UBR1: variants seen among roughly 807,000 people sequenced by gnomAD.
UBR1 encodes the protein ubiquitin protein ligase E3 component n-recognin 1.
A neutral mutation model predicts 242.1 loss-of-function variants in UBR1; 102 were observed. The ratio of observed to expected loss-of-function variants is 0.42; its 90% confidence interval spans 0.36 to 0.50. UBR1 has a LOEUF of 0.50. Among genes scored for constraint, UBR1 ranks in the 20% least tolerant of loss-of-function variants. The pLI is 0.01. For missense variants in UBR1, 1,772 were observed against 2,101.8 expected (o/e 0.84, Z 3.07); for synonymous variants, 675 against 684.8 (o/e 0.99, Z 0.22).
chr15:43,000,436 T>C (rs2032706171), intron 32 of UBR1, among the ~76,000 whole-genome samples: 1 of 152,252 alleles, frequency 6.6e-6, no homozygotes, highest in African/African-American at 2.4e-5. Context: ...CATAGTTTAA[T>C]AATCCTATTT....
intron 5 of UBR1, 48 bp from the exon 6 acceptor site, chr15:43,068,084 A>G: frequency 1.5e-6 from 2 of 1,316,434 alleles, no homozygotes; most frequent in South Asian, 1.3e-5. Context: ...CAAATAAAGG[A>G]AAAGTAAAAA....
At chr15:43,081,205 T>C (rs1395852497) in intron 3 of UBR1, among the ~76,000 whole-genome samples, 2 of 151,426 alleles carry the variant, frequency 1.3e-5, no homozygotes, top group South Asian at 2.1e-4. Context: ...GATCACAAGG[T>C]CAGGAGTTCA....
At chr15:42,949,907 C>A (rs907881398) in intron 46 of UBR1, among the ~76,000 whole-genome samples, 1 of 149,372 alleles carries the variant, frequency 6.7e-6, no homozygotes, top group East Asian at 2.0e-4. Context: ...GTGCAGTGGG[C>A]GATCTTGGCT....
At chr15:43,078,044 C>T (rs1248045517) in intron 3 of UBR1, among the ~76,000 whole-genome samples, 1 of 152,154 alleles carries the variant, frequency 6.6e-6, no homozygotes, top group Non-Finnish European at 1.5e-5. Flanking sequence ...CCTGTGGGTG[C>T]AGATAGCAAG....
chr15:43,060,941 G>GAAAAAAAAA (rs11302662), intron 6 of UBR1, among the ~76,000 whole-genome samples: 1 of 125,224 alleles, frequency 8.0e-6, no homozygotes, highest in South Asian at 2.4e-4. Context: ...TGCCATTACA[G>GAAAAAAAAA]AAAAAAAAAA....
intron 29 of UBR1, among the ~76,000 whole-genome samples, chr15:43,011,492 G>T (rs1446556929): frequency 6.6e-6 from 1 of 152,176 alleles, no homozygotes; most frequent in Non-Finnish European, 1.5e-5. Context: ...AATTCCCAGA[G>T]GATAAAATGT....
chr15:43,103,446 C>T (rs1325527482), intron 1 of UBR1, among the ~76,000 whole-genome samples: 1 of 152,238 alleles, frequency 6.6e-6, no homozygotes, highest in Non-Finnish European at 1.5e-5. Flanking sequence ...AAGTGTTACT[C>T]AAAGTGTGGC....
chr15:43,019,023 T>G (rs1287904664), intron 27 of UBR1, among the ~76,000 whole-genome samples: 1 of 152,206 alleles, frequency 6.6e-6, no homozygotes, highest in Non-Finnish European at 1.5e-5. Context: ...AAATACTACA[T>G]ATTCATAAAA....
At chr15:43,088,798 ATTGTTTGACT>A (rs1163699047) in intron 1 of UBR1, among the ~76,000 whole-genome samples, 1 of 151,978 alleles carries the variant, frequency 6.6e-6, no homozygotes, top group African/African-American at 2.4e-5. Flanking sequence ...ACAATGTTAC[ATTGTTTGACT>A]TTGTTAGACA....
At chr15:42,971,647 C>G (rs2141263367) in intron 39 of UBR1, among the ~76,000 whole-genome samples, 1 of 152,206 alleles carries the variant, frequency 6.6e-6, no homozygotes, top group Non-Finnish European at 1.5e-5. Context: ...CAAATAACAT[C>G]TCTTTATTCC....
chr15:43,058,677 T>A (rs1353585913), intron 9 of UBR1, among the ~76,000 whole-genome samples: 2 of 152,216 alleles, frequency 1.3e-5, no homozygotes. Flanking sequence ...TCTCCCAACC[T>A]TTTCATTCTT....
intron 11 of UBR1, 82 bp from the exon 12 acceptor site, chr15:43,054,981 A>C: frequency 6.9e-7 from 1 of 1,457,486 alleles, no homozygotes; most frequent in Non-Finnish European, 9.5e-7. Context: ...TTGGTTAGTC[A>C]GTATGTCATT....
chr15:43,005,074 C>T (rs7179367), intron 30 of UBR1, among the ~76,000 whole-genome samples: 2,011 of 152,102 alleles, frequency 0.013, 43 homozygotes, highest in African/African-American at 0.044. Flanking sequence ...ACCGCCACCC[C>T]ATCTGGGATG....
intron 3 of UBR1, among the ~76,000 whole-genome samples, chr15:43,082,079 CT>C (rs1412046441): frequency 6.6e-6 from 1 of 151,932 alleles, no homozygotes; most frequent in East Asian, 1.9e-4. Context: ...CACAAACTTC[CT>C]TTGAAAACTA....
chr15:43,077,185 C>T (rs1270078639), intron 3 of UBR1, among the ~76,000 whole-genome samples: 2 of 137,388 alleles, frequency 1.5e-5, no homozygotes, highest in Admixed American at 7.5e-5. Flanking sequence ...GCCATGATGA[C>T]AATGGCGGTT....
At chr15:42,962,287 G>A (rs1382220457) in intron 42 of UBR1, among the ~76,000 whole-genome samples, 2 of 152,098 alleles carry the variant, frequency 1.3e-5, no homozygotes, top group Non-Finnish European at 2.9e-5. Context: ...AGACAAAAAG[G>A]CAAGGCAAAC....
chr15:43,048,389 T>C lies in UBR1; in HGVS notation c.1539+3A>G. 6.2e-7 allele frequency: 1 copy of C among 1,607,118 alleles called. No homozygotes were observed. The highest frequency in any genetic ancestry group is 8.5e-7 in the Non-Finnish European group (1 of 1,174,890). On this transcript the variant is annotated splice_donor_region_variant and intron_variant, in intron 13 of 46. Coordinates refer to ENST00000290650, the MANE Select transcript of UBR1 (RefSeq NM_174916.3). Reference sequence around the variant, plus strand: ...TTACTGATGTACAGAAAAATGATCATACCTGCATACAGGTAAGAATCTTCA... The same window carrying C: ...TTACTGATGTACAGAAAAATGATCACACCTGCATACAGGTAAGAATCTTCA...
Position 43,067,832 on chromosome 15 carries a change from A to G in UBR1, c.798+66T>C. 2.5e-6 allele frequency: 4 copies of G among 1,600,426 alleles called. No homozygotes were observed. The Admixed American group carries it at 6.7e-5, about 27-fold the overall frequency. ...CTAGCACAATACTGAGCAAGGGCTC[A>G]GTCAACATCTGGCTGCCAGGAAGCT... On this transcript the variant is annotated intron_variant, in intron 6 of 46. Coordinates refer to ENST00000290650, the MANE Select transcript of UBR1 (RefSeq NM_174916.3).
chr15:43,086,129 T>G lies in UBR1; in HGVS notation c.193A>C (p.Ser65Arg). The change falls in exon 2 of 47, where the codon AGT (serine) becomes CGT (arginine). Residue 65 changes from serine to arginine, a missense_variant. Transcript: ENST00000290650. ...MDPDLEKQEE[S>R]VQMSIFTPLE... is the part of the protein sequence containing the mutation. ...GGAGTGAATATTGACATTTGTACAC[T>G]TTCCTCCTGCTTTTCCAAGTCTGGG... The G allele has an allele frequency of 6.2e-7, 1 of 1,614,070 alleles. No individual in the cohort carries two copies. The highest frequency in any genetic ancestry group is 8.5e-7 in the Non-Finnish European group (1 of 1,180,006).
Sources: allele counts gnomAD v4.1 joint callset (sites outside exome capture counted in the v4.1 genomes callset), GRCh38; gene constraint gnomAD v4.1.1; transcripts MANE v1.5; gene names NCBI Gene and HGNC (gene_info 2026-07-23, HGNC 2026-07-21).